Variants in RSPO2 observed in about 807,000 individuals in gnomAD.
RSPO2 encodes the protein R-spondin 2, also known as R-spondin-2.
RSPO2 carries 14 observed loss-of-function variants against 30.9 expected under a neutral mutation model. The observed-to-expected ratio is 0.45, with a 90% CI of 0.30 to 0.71. RSPO2 has a LOEUF of 0.71. Among genes scored for constraint, RSPO2 ranks in the 30% least tolerant of loss-of-function variants. RSPO2 has a pLI of 0.08. For synonymous variants in RSPO2, 107 were observed against 96.4 expected, an observed-to-expected ratio of 1.11 and a Z score of -0.64; for missense variants, 264 against 301.9, an observed-to-expected ratio of 0.87 and a Z score of 0.93.
chr8:108,075,002 T>G (rs751161499), intron 2 of RSPO2, among the ~76,000 whole-genome samples: 51 of 152,320 alleles, frequency 3.3e-4, no homozygotes, highest in Non-Finnish European at 5.6e-4. Flanking sequence ...TTTATTATAC[T>G]AAAATCATAA....
intron 2 of RSPO2, among the ~76,000 whole-genome samples, chr8:108,059,690 A>G (rs996137181): frequency 6.7e-5 from 10 of 148,922 alleles, no homozygotes; most frequent in Non-Finnish European, 1.3e-4. Context: ...AGATGAGTTC[A>G]TGTCCTTTGT....
Position 107,981,545 on chromosome 8 carries a change from A to G in RSPO2, c.283+7511T>C, listed in dbSNP as rs556570397. 2.3e-3 allele frequency among the ~76,000 whole-genome samples: 341 copies of G among 146,740 alleles called. 1 individual carries two copies. The highest frequency in any genetic ancestry group is 4.1e-3 in the Non-Finnish European group (268 of 65,230). ...GAAAAAAGAAAGAAAGAAAGACAAG[A>G]AAACAGGTGTTTCTAAAGGCATTCA... On this transcript the variant is annotated intron_variant, in intron 3 of 5. Transcript: ENST00000276659.
intron 3 of RSPO2, among the ~76,000 whole-genome samples, chr8:107,962,891 C>A (rs1231686994): frequency 6.6e-6 from 1 of 152,066 alleles, no homozygotes; most frequent in Non-Finnish European, 1.5e-5. Flanking sequence ...AAAGCCACAC[C>A]AATAAGCTTT....
chr8:107,934,517 C>T (rs1009599547), intron 5 of RSPO2, among the ~76,000 whole-genome samples: 1 of 152,028 alleles, frequency 6.6e-6, no homozygotes, highest in Non-Finnish European at 1.5e-5. Context: ...GGATTACAGG[C>T]ATGTGCCACC....
intron 2 of RSPO2, among the ~76,000 whole-genome samples, chr8:108,011,148 AAAAG>A (rs1554581781): frequency 2.8e-5 from 4 of 140,568 alleles, no homozygotes; most frequent in East Asian, 1.9e-4. Flanking sequence ...AAAAAAAAAA[AAAAG>A]AAAGAAAGAA....
At position 108,029,054 on chromosome 8, in the gene RSPO2, C is replaced by CTTTTTTTTTTTTTTT. The variant is rs71308771; in HGVS notation, c.95-39825_95-39811dup. Reference sequence around the variant, plus strand: ...AACTTGGGTAACTGTTAACATGAGTCTTTTTTTTTTTTTTTTTTTTTTTTT... The same window carrying CTTTTTTTTTTTTTTT: ...AACTTGGGTAACTGTTAACATGAGTCTTTTTTTTTTTTTTTTTTTTTTTTTTTTTTTTTTTTTTTT... On this transcript the variant is annotated intron_variant, in intron 2 of 5. Coordinates refer to ENST00000276659, the MANE Select transcript of RSPO2 (RefSeq NM_178565.5). Among the ~76,000 whole-genome samples the CTTTTTTTTTTTTTTT allele has an allele frequency of 1.5e-4, 4 of 26,200 alleles. 2 individuals carry two copies. The highest frequency in any genetic ancestry group is 1.3e-3 in the Admixed American group (2 of 1,540). The allele number at this position is 26,200 out of a possible 152,430, so 17.2% of individuals were successfully genotyped here. A position where few individuals can be genotyped will look rare whatever the true frequency, so the allele number is the denominator to read the frequency against.
chr8:108,031,275 A>G (rs1811413171), intron 2 of RSPO2, among the ~76,000 whole-genome samples: 1 of 152,208 alleles, frequency 6.6e-6, no homozygotes, highest in Non-Finnish European at 1.5e-5. Flanking sequence ...TGCATCTCTA[A>G]TGGATCACCA....
intron 3 of RSPO2, among the ~76,000 whole-genome samples, chr8:107,970,517 G>A (rs1813960119): frequency 6.6e-6 from 1 of 152,168 alleles, no homozygotes; most frequent in South Asian, 2.1e-4. Flanking sequence ...GAAGCTTGGG[G>A]AGGCATAGTG....
chr8:108,076,585 C>A (rs1813020365), intron 2 of RSPO2, among the ~76,000 whole-genome samples: 1 of 152,080 alleles, frequency 6.6e-6, no homozygotes, highest in African/African-American at 2.4e-5. Context: ...TATAGCGAGG[C>A]TCCCAGCCTT....
At chr8:107,912,266 C>A (rs866493537) in intron 5 of RSPO2, among the ~76,000 whole-genome samples, 2 of 152,116 alleles carry the variant, frequency 1.3e-5, no homozygotes, top group African/African-American at 2.4e-5. Flanking sequence ...CTCCTGAAAG[C>A]CAAGAATATT....
intron 2 of RSPO2, among the ~76,000 whole-genome samples, chr8:108,072,419 G>A (rs1011276834): frequency 1.4e-5 from 2 of 139,600 alleles, no homozygotes; most frequent in African/African-American, 5.5e-5. Flanking sequence ...TCCGCCTCCC[G>A]GGTTCACGCC....
At chr8:107,926,877 G>A (rs1342013140) in intron 5 of RSPO2, among the ~76,000 whole-genome samples, 6 of 152,138 alleles carry the variant, frequency 3.9e-5, no homozygotes, top group Admixed American at 2.0e-4. Context: ...TTAGCAATGC[G>A]AGCTCTTTTT....
At position 107,901,142 on chromosome 8, in the gene RSPO2, C is replaced by G. The variant is rs745711987; in HGVS notation, c.665G>C (p.Arg222Thr). ...CTCCTGGGCCCTTTCTATCAGCTTC[C>G]TTTTCTTTTTCTTGTTCCTCTTCTC... ...AKEKRNKKKK[R>T]KLIERAQEQH... Residue 222 changes from arginine to threonine, a missense_variant, in exon 6 of 6, where the codon AGG (arginine) becomes ACG (threonine). Coordinates refer to ENST00000276659, the MANE Select transcript of RSPO2 (RefSeq NM_178565.5). 2.5e-6 allele frequency: 4 copies of G among 1,614,118 alleles called. No homozygotes were observed. The highest frequency in any genetic ancestry group is 1.7e-4 in the Middle Eastern group (1 of 6,060).
At chr8:108,048,724 T>C (rs1811981715) in intron 2 of RSPO2, among the ~76,000 whole-genome samples, 1 of 152,164 alleles carries the variant, frequency 6.6e-6, no homozygotes, top group Admixed American at 6.5e-5. Context: ...TTGAATGTGT[T>C]TGCTCTTGCT....
At chr8:108,058,574 A>G (rs937964830) in intron 2 of RSPO2, among the ~76,000 whole-genome samples, 3 of 151,958 alleles carry the variant, frequency 2.0e-5, no homozygotes, top group Non-Finnish European at 2.9e-5. Context: ...AGCTGGAGGC[A>G]TCACACTACC....
At chr8:108,059,146 T>C (rs1812363673) in intron 2 of RSPO2, among the ~76,000 whole-genome samples, 2 of 151,278 alleles carry the variant, frequency 1.3e-5, no homozygotes, top group South Asian at 4.2e-4. Context: ...CTCAAACAAA[T>C]TTACAAGAAA....
At chr8:108,075,652 A>G (rs1454364315) in intron 2 of RSPO2, among the ~76,000 whole-genome samples, 2 of 151,058 alleles carry the variant, frequency 1.3e-5, no homozygotes, top group Non-Finnish European at 2.9e-5. Flanking sequence ...CAGAATGAGT[A>G]CTGGGCTGGG....
At chr8:107,961,025 G>C (rs759053331) in intron 3 of RSPO2, among the ~76,000 whole-genome samples, 8 of 152,122 alleles carry the variant, frequency 5.3e-5, no homozygotes, top group South Asian at 2.1e-4. Context: ...GAATCCAAGA[G>C]AGAATGCCAG....
intron 2 of RSPO2, among the ~76,000 whole-genome samples, chr8:108,066,590 G>A (rs1483193779): frequency 6.6e-6 from 1 of 151,998 alleles, no homozygotes; most frequent in African/African-American, 2.4e-5. Flanking sequence ...CACTGTCCCA[G>A]CTAAACACGT....
Sources: gnomAD v4.1 joint callset for allele counts (sites outside exome capture counted in the v4.1 genomes callset) on GRCh38, gnomAD v4.1.1 for gene constraint, MANE v1.5 for transcripts, NCBI Gene and HGNC (gene_info 2026-07-23, HGNC 2026-07-21) for gene names.